MRPL48: variants seen among roughly 807,000 people sequenced by gnomAD.
The protein encoded by MRPL48 is mitochondrial ribosomal protein L48.
In MRPL48, 16 loss-of-function variants were observed where a neutral mutation model predicts 32.9. That is an observed-to-expected ratio of 0.49 (90% CI 0.33 to 0.74). The LOEUF is 0.74. Ranked by LOEUF, MRPL48 falls within the 30% of genes least tolerant of loss-of-function variation. The pLI is 0.02. For synonymous variants in MRPL48, 94 were observed against 89.2 expected, an observed-to-expected ratio of 1.05 and a Z score of -0.31; for missense variants, 206 against 245.3, an observed-to-expected ratio of 0.84 and a Z score of 1.07.
chr11:73,791,096 G>A (rs942395531), intron 1 of MRPL48, among the ~76,000 whole-genome samples: 3 of 151,670 alleles, frequency 2.0e-5, no homozygotes, highest in Non-Finnish European at 2.9e-5. Context: ...ATTTTGCCCA[G>A]GCTGGTCTGG....
At chr11:73,824,786 G>A (rs1015483834) in intron 3 of MRPL48, among the ~76,000 whole-genome samples, 2 of 152,120 alleles carry the variant, frequency 1.3e-5, no homozygotes, top group Non-Finnish European at 2.9e-5. Context: ...AGAGCCCTCT[G>A]AGAATGTATT....
intron 5 of MRPL48, among the ~76,000 whole-genome samples, chr11:73,857,456 T>C (rs1420263932): frequency 6.6e-6 from 1 of 151,486 alleles, no homozygotes; most frequent in Non-Finnish European, 1.5e-5. Context: ...TTTTTTTTTT[T>C]CTAAATAGAG....
chr11:73,835,140 CTTTTTT>C (rs35448499), intron 4 of MRPL48, among the ~76,000 whole-genome samples: 4 of 108,474 alleles, frequency 3.7e-5, no homozygotes, highest in South Asian at 3.2e-4. Flanking sequence ...GCCATGTTGT[CTTTTTT>C]TTTTTTTTTT....
intron 4 of MRPL48, among the ~76,000 whole-genome samples, chr11:73,840,562 T>C (rs1468359982): frequency 2.0e-5 from 3 of 152,168 alleles, no homozygotes; most frequent in Non-Finnish European, 1.5e-5. Context: ...TGCAGTGGTG[T>C]GATCTCAGCT....
Position 73,788,012 on chromosome 11 carries a change from C to G in MRPL48, c.21+20C>G. On this transcript the variant is annotated intron_variant, in intron 1 of 7. Transcript: ENST00000310614. ...GAAAAGGTAACGTAGATTCCACGCA[C>G]GCGGGGCGCGGGGAGATGGCGGACG... The G allele has an allele frequency of 6.5e-7, 1 of 1,528,410 alleles. No homozygotes were observed. The highest frequency in any genetic ancestry group is 8.9e-7 in the Non-Finnish European group (1 of 1,129,512). 94.7% of individuals were successfully genotyped at this position (1,528,410 alleles called of 1,614,324 possible). A position where few individuals can be genotyped will look rare whatever the true frequency, so the allele number is the denominator to read the frequency against.
chr11:73,827,903 A>G (rs1247977270), intron 4 of MRPL48, among the ~76,000 whole-genome samples: 1 of 152,216 alleles, frequency 6.6e-6, no homozygotes, highest in Non-Finnish European at 1.5e-5. Flanking sequence ...ATTAGGAACA[A>G]GGAAACTTGT....
At chr11:73,788,039 T>C (rs774689959) in intron 1 of MRPL48, 47 bp downstream of exon 1, 12 of 1,461,658 alleles carry the variant, frequency 8.2e-6, no homozygotes, top group African/African-American at 1.4e-5. Flanking sequence ...TGGCGGACGG[T>C]GCAGAGAGGG....
At chr11:73,860,753 T>C (rs951771684) in intron 6 of MRPL48, among the ~76,000 whole-genome samples, 3 of 152,204 alleles carry the variant, frequency 2.0e-5, no homozygotes, top group Non-Finnish European at 4.4e-5. Context: ...CAATTTGAAG[T>C]ATACAATAAA....
At position 73,787,922 on chromosome 11, in the gene MRPL48, C is replaced by A; in HGVS notation, c.-50C>A. On this transcript the variant is annotated 5_prime_UTR_variant, in exon 1 of 8. Transcript: ENST00000310614. ...TTCAGACGCCCTGGGAACGCGGCTG[C>A]AGGGTCCGGTCTTCGGTTTGCACAG... 6.2e-7 allele frequency: 1 copy of A among 1,603,702 alleles called. No homozygotes were observed. The highest frequency in any genetic ancestry group is 1.1e-5 in the South Asian group (1 of 89,984).
intron 5 of MRPL48, among the ~76,000 whole-genome samples, chr11:73,856,321 C>T (rs1948480950): frequency 1.4e-5 from 2 of 144,652 alleles, no homozygotes; most frequent in South Asian, 4.9e-4. Flanking sequence ...TTCATTTCAT[C>T]TTAATCCATT....
At chr11:73,825,018 C>T (rs1447598830) in intron 3 of MRPL48, among the ~76,000 whole-genome samples, 3 of 152,204 alleles carry the variant, frequency 2.0e-5, no homozygotes, top group African/African-American at 7.2e-5. Flanking sequence ...CTCAAATCAT[C>T]TGCTGTTCCC....
chr11:73,841,585 A>G (rs1488800998), intron 4 of MRPL48, among the ~76,000 whole-genome samples: 2 of 152,222 alleles, frequency 1.3e-5, no homozygotes, highest in Admixed American at 6.5e-5. Flanking sequence ...AAAACATGCA[A>G]AATAACTCTA....
At chr11:73,801,155 T>C (rs961468102) in intron 1 of MRPL48, among the ~76,000 whole-genome samples, 1 of 152,174 alleles carries the variant, frequency 6.6e-6, no homozygotes, top group African/African-American at 2.4e-5. Flanking sequence ...AATTAAAACC[T>C]TGGTTATTGT....
chr11:73,798,474 CT>C (rs1947299626), intron 1 of MRPL48, among the ~76,000 whole-genome samples: 1 of 152,112 alleles, frequency 6.6e-6, no homozygotes, highest in African/African-American at 2.4e-5. Flanking sequence ...GGTTTGACTT[CT>C]TGTATGAAAA....
chr11:73,851,181 G>A, intron 5 of MRPL48: 1 of 435,132 alleles, frequency 2.3e-6, no homozygotes, highest in Non-Finnish European at 4.7e-6. Flanking sequence ...ACTCCTCCCA[G>A]TTCACACCGC....
chr11:73,850,212 A>G (rs1948363821), intron 5 of MRPL48, among the ~76,000 whole-genome samples: 1 of 150,912 alleles, frequency 6.6e-6, no homozygotes, highest in African/African-American at 2.4e-5. Flanking sequence ...TTTTTTTTAC[A>G]CTGAGTCAGA....
intron 3 of MRPL48, among the ~76,000 whole-genome samples, chr11:73,809,390 G>A (rs1947526893): frequency 6.6e-6 from 1 of 151,734 alleles, no homozygotes; most frequent in Non-Finnish European, 1.5e-5. Flanking sequence ...TGTAGTCCCA[G>A]CTACTCGGGA....
chr11:73,819,369 G>A (rs1947733148), intron 3 of MRPL48, among the ~76,000 whole-genome samples: 1 of 152,186 alleles, frequency 6.6e-6, no homozygotes, highest in South Asian at 2.1e-4. Context: ...TTTTGGTTCT[G>A]CTTTTTGAAA....
At chr11:73,796,423 G>A (rs1947255306) in intron 1 of MRPL48, among the ~76,000 whole-genome samples, 1 of 152,240 alleles carries the variant, frequency 6.6e-6, no homozygotes, top group Admixed American at 6.5e-5. Context: ...CACATTCGGG[G>A]CAGTGCTGAC....
Sources: gnomAD v4.1 joint callset for allele counts (sites outside exome capture counted in the v4.1 genomes callset) on GRCh38, gnomAD v4.1.1 for gene constraint, MANE v1.5 for transcripts, NCBI Gene and HGNC (gene_info 2026-07-23, HGNC 2026-07-21) for gene names.